The following VOPP1 variants were observed in gnomAD, a reference collection of about 807,000 sequenced individuals.
The protein encoded by VOPP1 is VOPP1 WW domain binding protein.
Under a neutral mutation model 23.5 loss-of-function variants are expected in VOPP1, and 8 were observed. The ratio of observed to expected loss-of-function variants is 0.34; its 90% CI spans 0.20 to 0.61. VOPP1 has a LOEUF of 0.61. Ranked by LOEUF, VOPP1 falls within the 20% of genes least tolerant of loss-of-function variation. The pLI is 0.78. For synonymous variants in VOPP1, 83 were observed against 97.3 expected, an observed-to-expected ratio of 0.85 and a Z score of 0.86; for missense variants, 174 against 238.1, an observed-to-expected ratio of 0.73 and a Z score of 1.77.
intron 4 of VOPP1, among the ~76,000 whole-genome samples, chr7:55,481,196 A>G (rs1212212333): frequency 6.6e-6 from 1 of 152,208 alleles, no homozygotes; most frequent in African/African-American, 2.4e-5. Context: ...GTCTCAGGAC[A>G]AGTCACAGGC....
At chr7:55,544,597 G>A (rs756514520) in intron 1 of VOPP1, among the ~76,000 whole-genome samples, 4 of 152,186 alleles carry the variant, frequency 2.6e-5, no homozygotes, top group Admixed American at 1.3e-4. Flanking sequence ...AGCTCCAACT[G>A]GTGTGGAAGA....
At chr7:55,499,888 A>G (rs1343063639) in intron 2 of VOPP1, among the ~76,000 whole-genome samples, 4 of 152,138 alleles carry the variant, frequency 2.6e-5, no homozygotes, top group African/African-American at 9.7e-5. Context: ...ACCTTCTGCA[A>G]TTCTCCGAGG....
intron 4 of VOPP1, among the ~76,000 whole-genome samples, chr7:55,486,129 G>A (rs1562913114): frequency 6.6e-6 from 1 of 152,246 alleles, no homozygotes; most frequent in African/African-American, 2.4e-5. Context: ...GCGAAGCAGA[G>A]GACAGTGGGC....
intron 4 of VOPP1, among the ~76,000 whole-genome samples, chr7:55,445,115 TAACAG>T (rs754044295): frequency 1.3e-5 from 2 of 152,172 alleles, no homozygotes; most frequent in Non-Finnish European, 2.9e-5. Context: ...GTATCTTGCA[TAACAG>T]AACAGAAGAG....
chr7:55,538,866 T>G (rs1226454249), intron 1 of VOPP1, among the ~76,000 whole-genome samples: 1 of 150,532 alleles, frequency 6.6e-6, no homozygotes, highest in African/African-American at 2.4e-5. Flanking sequence ...GTCTATAATA[T>G]GATCCCATCT....
chr7:55,552,664 G>A (rs754490926), intron 1 of VOPP1: 351 of 1,535,890 alleles, frequency 2.3e-4, no homozygotes, highest in Middle Eastern at 3.3e-4. Flanking sequence ...ATATGACACC[G>A]CCTTCCAACA....
At chr7:55,513,166 G>C (rs1304720492) in intron 2 of VOPP1, among the ~76,000 whole-genome samples, 1 of 148,906 alleles carries the variant, frequency 6.7e-6, no homozygotes, top group Non-Finnish European at 1.5e-5. Context: ...AATGGGCTCT[G>C]CCTCCTGCTG....
chr7:55,443,209 A>C (rs1401625774), intron 4 of VOPP1, among the ~76,000 whole-genome samples: 1 of 152,158 alleles, frequency 6.6e-6, no homozygotes, highest in African/African-American at 2.4e-5. Flanking sequence ...AAAGATATAG[A>C]AATCTCATGC....
At chr7:55,561,618 G>A (rs1797988086) in intron 1 of VOPP1, among the ~76,000 whole-genome samples, 2 of 151,514 alleles carry the variant, frequency 1.3e-5, no homozygotes, top group African/African-American at 4.9e-5. Flanking sequence ...CAAGGCAGGA[G>A]AGGGGGAGGC....
chr7:55,523,511 G>A (rs903648536), intron 1 of VOPP1, among the ~76,000 whole-genome samples: 6 of 151,962 alleles, frequency 3.9e-5, no homozygotes, highest in African/African-American at 1.2e-4. Context: ...GGTCATTCTC[G>A]GCAAGCCTGG....
intron 4 of VOPP1, among the ~76,000 whole-genome samples, chr7:55,441,677 C>T (rs969217424): frequency 6.6e-6 from 1 of 152,244 alleles, no homozygotes; most frequent in Non-Finnish European, 1.5e-5. Flanking sequence ...CTGCTTGCTT[C>T]TGTAGCTGCG....
At chr7:55,549,353 A>T (rs1797502785) in intron 1 of VOPP1, among the ~76,000 whole-genome samples, 1 of 152,196 alleles carries the variant, frequency 6.6e-6, no homozygotes, top group Non-Finnish European at 1.5e-5. Context: ...ACTCCCTTGA[A>T]CTAGGCAGAC....
intron 1 of VOPP1, among the ~76,000 whole-genome samples, chr7:55,536,988 C>T (rs1796834679): frequency 6.6e-6 from 1 of 152,208 alleles, no homozygotes; most frequent in Admixed American, 6.5e-5. Context: ...GGCCACAAAA[C>T]CTGAGACTTC....
chr7:55,569,650 G>C (rs1023265928), intron 1 of VOPP1, among the ~76,000 whole-genome samples: 2 of 152,174 alleles, frequency 1.3e-5, no homozygotes, highest in Non-Finnish European at 2.9e-5. Context: ...AACATTTATA[G>C]AACAGTGCCT....
At chr7:55,466,154 T>C (rs6961353), downstream of VOPP1, among the ~76,000 whole-genome samples, 81,868 of 152,064 alleles carry the variant, frequency 0.54, 22,747 homozygotes, top group African/African-American at 0.6. Flanking sequence ...ACCTACTGCA[T>C]TCCTGACCTT....
At chr7:55,493,217 A>G (rs1188928899) in intron 3 of VOPP1, 2 of 152,182 alleles carry the variant, frequency 1.3e-5, no homozygotes, top group Non-Finnish European at 2.9e-5. Context: ...TTTCTAGAAA[A>G]AGAGGAGAGT....
At chr7:55,435,646 G>T (rs978320493), downstream of VOPP1, among the ~76,000 whole-genome samples, 1 of 152,210 alleles carries the variant, frequency 6.6e-6, no homozygotes, top group Admixed American at 6.5e-5. Context: ...TCAGAGGCAG[G>T]GCTCCTTTAT....
intron 2 of VOPP1, among the ~76,000 whole-genome samples, chr7:55,502,776 C>T (rs1458146064): frequency 2.0e-5 from 3 of 152,210 alleles, no homozygotes; most frequent in Non-Finnish European, 4.4e-5. Context: ...TGCCCTAAGC[C>T]TCAGAATGGC....
At chr7:55,462,893 T>C (rs1157335894) in intron 4 of VOPP1, among the ~76,000 whole-genome samples, 1 of 148,458 alleles carries the variant, frequency 6.7e-6, no homozygotes, top group Non-Finnish European at 1.5e-5. Flanking sequence ...CCTGACCTCG[T>C]GATCCGCCCG....
Sources: gnomAD v4.1 joint callset for allele counts (sites outside exome capture counted in the v4.1 genomes callset) on GRCh38, gnomAD v4.1.1 for gene constraint, MANE v1.5 for transcripts, NCBI Gene and HGNC (gene_info 2026-07-23, HGNC 2026-07-21) for gene names.